Variants in EPB41L2 observed in about 807,000 individuals in gnomAD.
The protein encoded by EPB41L2 is erythrocyte membrane protein band 4.1 like 2.
A neutral mutation model predicts 113.0 loss-of-function variants in EPB41L2; 43 were observed. The ratio of observed to expected loss-of-function variants is 0.38; its 90% confidence interval spans 0.30 to 0.49. The LOEUF is 0.49. Among genes scored for constraint, EPB41L2 ranks in the 20% least tolerant of loss-of-function variants. The pLI, the probability that EPB41L2 is intolerant of heterozygous loss-of-function variation, is 0.95. For missense variants in EPB41L2, 1,147 were observed against 1,223.4 expected (o/e 0.94, Z 0.93); for synonymous variants, 442 against 436.7 (o/e 1.01, Z -0.15).
intron 1 of EPB41L2, among the ~76,000 whole-genome samples, chr6:131,026,670 G>A (rs1039255784): frequency 1.2e-4 from 18 of 152,036 alleles, no homozygotes; most frequent in African/African-American, 3.6e-4. Context: ...TAGGCCTTTC[G>A]CACAAACCAT....
Position 130,885,131 on chromosome 6 carries a change from T to G in EPB41L2, c.1798A>C (p.Thr600Pro). 6.2e-7 allele frequency: 1 copy of G among 1,614,140 alleles called. No homozygotes were observed. Among genetic ancestry groups the G allele is most frequent in the South Asian group, 1.1e-5 (1 of 91,082 alleles). Residue 600 changes from threonine (T) to proline (P), a missense_variant, in exon 12 of 20, where the codon ACT becomes CCT. By Grantham distance (38) the Thr-to-Pro change is conservative. Transcript: ENST00000337057. The stretch of plus-strand genomic sequence containing the variant: ...ATGAGCTGCAAATGTGGGGCTTTAG[T>G]TGGGCTTCTCACTTCCCTCCTGCCG... ...GDGRREVRSP[T>P]KAPHLQLIEG...
At chr6:130,863,782 GCAAA>G (rs1443291415) in intron 17 of EPB41L2, 64 bp from the exon 18 acceptor site, 53 of 1,142,120 alleles carry the variant, frequency 4.6e-5, no homozygotes, top group Non-Finnish European at 6.3e-5. Flanking sequence ...CACAGTCAGA[GCAAA>G]CAGAGATGGG....
intron 19 of EPB41L2, among the ~76,000 whole-genome samples, chr6:130,843,141 C>T (rs1776020807): frequency 6.6e-6 from 1 of 152,148 alleles, no homozygotes; most frequent in African/African-American, 2.4e-5. Context: ...CTGTTTCTTG[C>T]ACTTAAACAC....
chr6:130,955,568 C>T (rs916108316), intron 2 of EPB41L2, among the ~76,000 whole-genome samples: 5 of 152,182 alleles, frequency 3.3e-5, no homozygotes, highest in African/African-American at 1.2e-4. Context: ...CCAGCAACTA[C>T]AATTTAAGTA....
intron 3 of EPB41L2, among the ~76,000 whole-genome samples, chr6:130,951,034 T>C (rs1814729273): frequency 1.3e-5 from 2 of 151,782 alleles, no homozygotes; most frequent in African/African-American, 4.8e-5. Flanking sequence ...AAATAAAACA[T>C]AAAAAGATGG....
intron 1 of EPB41L2, among the ~76,000 whole-genome samples, chr6:131,037,597 T>TTC (rs1793597684): frequency 6.7e-6 from 1 of 150,072 alleles, no homozygotes; most frequent in African/African-American, 2.5e-5. Flanking sequence ...TTTTTTTTTT[T>TTC]TTTTTTTTTA....
chr6:131,028,803 T>A (rs1016347916), intron 1 of EPB41L2, among the ~76,000 whole-genome samples: 1 of 152,202 alleles, frequency 6.6e-6, no homozygotes, highest in Non-Finnish European at 1.5e-5. Flanking sequence ...CATACTTGGG[T>A]AACTAGGTGA....
chr6:130,922,987 T>C (rs1803384510), intron 4 of EPB41L2, among the ~76,000 whole-genome samples: 2 of 152,198 alleles, frequency 1.3e-5, no homozygotes. Flanking sequence ...CGTAAGTTAT[T>C]GAACCTAAAA....
intron 1 of EPB41L2, among the ~76,000 whole-genome samples, chr6:131,027,146 T>C (rs1791051153): frequency 6.6e-6 from 1 of 152,236 alleles, no homozygotes; most frequent in Admixed American, 6.5e-5. Flanking sequence ...TCCTAATAAA[T>C]GGAAATTATT....
At chr6:130,891,302 T>C (rs1792748566) in intron 10 of EPB41L2, among the ~76,000 whole-genome samples, 1 of 152,052 alleles carries the variant, frequency 6.6e-6, no homozygotes, top group Admixed American at 6.5e-5. Flanking sequence ...AGACTTTCTG[T>C]ACAATTTTTT....
chr6:131,015,092 C>T (rs956682829), intron 1 of EPB41L2, among the ~76,000 whole-genome samples: 13 of 152,168 alleles, frequency 8.5e-5, no homozygotes, highest in African/African-American at 2.9e-4. Flanking sequence ...TCATTCCCTG[C>T]TTGCCTTAAG....
chr6:130,856,845 T>C (rs1780387561), intron 19 of EPB41L2, among the ~76,000 whole-genome samples: 1 of 152,228 alleles, frequency 6.6e-6, no homozygotes, highest in African/African-American at 2.4e-5. Context: ...AACAGCATAA[T>C]GTGTTAACTA....
At chr6:131,015,834 G>C (rs1034885744) in intron 1 of EPB41L2, 1 of 152,174 alleles carries the variant, frequency 6.6e-6, no homozygotes, top group African/African-American at 2.4e-5. Flanking sequence ...AATAGGCTAT[G>C]TCTGCATCTG....
At chr6:131,007,381 A>G (rs562147557) in intron 1 of EPB41L2, among the ~76,000 whole-genome samples, 14 of 152,278 alleles carry the variant, frequency 9.2e-5, no homozygotes, top group Non-Finnish European at 1.9e-4. Context: ...TGAGTCAATT[A>G]AACTTCTTTT....
chr6:130,868,819 C>T (rs1304993595), intron 15 of EPB41L2: 1 of 152,172 alleles, frequency 6.6e-6, no homozygotes, highest in African/African-American at 2.4e-5. Context: ...AGATTCATGT[C>T]CAATGTATAG....
chr6:130,859,205 C>T (rs1582747464), intron 18 of EPB41L2, among the ~76,000 whole-genome samples: 1 of 152,168 alleles, frequency 6.6e-6, no homozygotes, highest in Admixed American at 6.5e-5. Context: ...AACAAAACAT[C>T]AGAGAACCCT....
intron 1 of EPB41L2, among the ~76,000 whole-genome samples, chr6:130,986,063 C>G (rs1480955884): frequency 6.6e-6 from 1 of 152,108 alleles, no homozygotes; most frequent in Non-Finnish European, 1.5e-5. Flanking sequence ...GGGCAAAAAT[C>G]CTTGGCAAAA....
chr6:130,868,988 A>C (rs1784796624), intron 15 of EPB41L2: 1 of 152,694 alleles, frequency 6.5e-6, no homozygotes, highest in Non-Finnish European at 1.5e-5. Flanking sequence ...GCAATCCCAA[A>C]ACAGAAATCA....
intron 1 of EPB41L2, among the ~76,000 whole-genome samples, chr6:131,006,638 C>CAT (rs10627936): frequency 1.3e-5 from 2 of 150,196 alleles, no homozygotes; most frequent in African/African-American, 4.9e-5. Flanking sequence ...CCACTGAACC[C>CAT]GACTGGGTGA....
Sources: allele counts gnomAD v4.1 joint callset (sites outside exome capture counted in the v4.1 genomes callset), GRCh38; gene constraint gnomAD v4.1.1; transcripts MANE v1.5; gene names NCBI Gene and HGNC (gene_info 2026-07-23, HGNC 2026-07-21).